NPIPB11: variants seen among roughly 807,000 people sequenced by gnomAD.
NPIPB11 encodes the protein nuclear pore complex interacting protein family member B11.
In NPIPB11, 17 loss-of-function variants were observed where a neutral mutation model predicts 32.8. The observed-to-expected ratio is 0.52, with a 90% CI of 0.35 to 0.78. NPIPB11 has a LOEUF of 0.78. NPIPB11 is among the 30% of genes least tolerant of loss of function. NPIPB11 has a pLI of 0.01. For missense variants in NPIPB11, 537 were observed against 1,000.4 expected, an observed-to-expected ratio of 0.54 and a Z score of 6.25; for synonymous variants, 209 against 398.4, an observed-to-expected ratio of 0.52 and a Z score of 5.66.
At chr16:29,402,457 C>G (rs1269695936) in intron 2 of NPIPB11, among the ~76,000 whole-genome samples, 2 of 108,844 alleles carry the variant, frequency 1.8e-5, no homozygotes. Flanking sequence ...ATAGTCCCAG[C>G]ACTTTGGGAG....
In NPIPB11 at chr16:29,399,174, C is replaced by A. The variant is rs913974831; in HGVS notation, c.120+4509G>T. On this transcript the variant is annotated intron_variant, in intron 2 of 7. Transcript: ENST00000524087. ...CAGGACAGACCCCCACTGTCCATCA[C>A]CTTTCCTGGCCCTGTCCTCAGTTAA... 4.6e-5 allele frequency among the ~76,000 whole-genome samples: 7 copies of A among 152,112 alleles called. 1 individual carries two copies. Among genetic ancestry groups the A allele is most frequent in the East Asian group, 3.9e-4 (2 of 5,190 alleles).
chr16:29,383,821 T>G lies in NPIPB11; in HGVS notation c.1111A>C (p.Lys371Gln), dbSNP rs751279314. ...CCCCGCAGACGCTCGGCAGTTGTCT[T>G]GATATTATCATCTGCTGAGGGTGGA... Residue 371 changes from lysine to glutamine, a missense_variant, in exon 8 of 8, where the codon AAG (lysine) becomes CAG (glutamine). By Grantham distance (53) the Lys-to-Gln change is moderately conservative. Transcript: ENST00000524087. 7.3e-5 allele frequency: 93 copies of G among 1,269,588 alleles called. 21 individuals are homozygous for G. Among genetic ancestry groups the G allele is most frequent in the Non-Finnish European group, 9.8e-5 (93 of 944,554 alleles). The allele number at this position is 1,269,588 out of a possible 1,614,324, so 78.6% of individuals were successfully genotyped here. A position where few individuals can be genotyped will look rare whatever the true frequency, so the allele number is the denominator to read the frequency against.
At chr16:29,400,025 C>T (rs1963952008) in intron 2 of NPIPB11, among the ~76,000 whole-genome samples, 2 of 151,652 alleles carry the variant, frequency 1.3e-5, no homozygotes, top group South Asian at 2.1e-4. Context: ...TGCAGTGAGC[C>T]GAGATCGTGC....
intron 2 of NPIPB11, among the ~76,000 whole-genome samples, chr16:29,395,132 A>C (rs1664685340): frequency 8.4e-6 from 1 of 119,152 alleles, no homozygotes; most frequent in East Asian, 2.4e-4. Flanking sequence ...CCCGTCACTC[A>C]TGGCTAAGAC....
At chr16:29,402,738 GT>G (rs1964025887) in intron 2 of NPIPB11, among the ~76,000 whole-genome samples, 1 of 142,478 alleles carries the variant, frequency 7.0e-6, no homozygotes, top group African/African-American at 3.0e-5. Context: ...GTGTGTGTGT[GT>G]GTGTGTGTGT....
intron 2 of NPIPB11, among the ~76,000 whole-genome samples, chr16:29,399,247 A>T (rs1334232456): frequency 4.6e-5 from 7 of 151,944 alleles, no homozygotes; most frequent in South Asian, 2.1e-4. Context: ...GCCCAAACTC[A>T]CTCAGGCCTC....
In NPIPB11 at chr16:29,394,050, A is replaced by T. The variant is rs577436793; in HGVS notation, c.147T>A (p.His49Gln). The T allele has an allele frequency of 1.9e-5, 30 of 1,599,310 alleles. No homozygotes were observed. The East Asian group carries it at 6.7e-4, about 36-fold the overall frequency. Residue 49 changes from histidine to glutamine, a missense_variant, in exon 3 of 8, where the codon CAT becomes CAA. Coordinates refer to ENST00000524087, the Ensembl canonical transcript of NPIPB11. ...TTCCACCAAAGTCAGTCCCACGATG[A>T]TGATGGTCAGCCAGAGTATTGATAA...
intron 2 of NPIPB11, among the ~76,000 whole-genome samples, chr16:29,402,109 T>C (rs1964005954): frequency 6.7e-6 from 1 of 150,258 alleles, no homozygotes; most frequent in Admixed American, 6.6e-5. Flanking sequence ...GGGCCTCAGT[T>C]TCAACTCTGT....
intron 5 of NPIPB11, 128 bp downstream of exon 5, chr16:29,389,813 C>G: frequency 2.0e-6 from 3 of 1,493,040 alleles, no homozygotes; most frequent in South Asian, 1.2e-5. Context: ...GCAGAAAGGA[C>G]AAACTCAATT....
At chr16:29,391,047 T>A (rs1963710363) in intron 3 of NPIPB11, among the ~76,000 whole-genome samples, 1 of 148,570 alleles carries the variant, frequency 6.7e-6, no homozygotes, top group Non-Finnish European at 1.5e-5. Context: ...CGCGGGTGAA[T>A]CACAAGGTCA....
chr16:29,393,555 G>C (rs1963773155), intron 3 of NPIPB11, among the ~76,000 whole-genome samples: 3 of 151,354 alleles, frequency 2.0e-5, no homozygotes, highest in Non-Finnish European at 2.9e-5. Context: ...GCTGTCTGTT[G>C]TCAGCTCATT....
At chr16:29,395,706 G>A (rs1451667495) in intron 2 of NPIPB11, among the ~76,000 whole-genome samples, 4 of 151,200 alleles carry the variant, frequency 2.6e-5, no homozygotes, top group South Asian at 2.1e-4. Context: ...TGGGCCGGGC[G>A]TGGTGGCTCA....
upstream of NPIPB11, among the ~76,000 whole-genome samples, chr16:29,405,329 A>G (rs1202200592): frequency 2.0e-5 from 3 of 151,828 alleles, no homozygotes; most frequent in Non-Finnish European, 4.4e-5. Context: ...ATACTTGTTG[A>G]ACAAATATTA....
At chr16:29,400,144 G>A (rs922165027) in intron 2 of NPIPB11, among the ~76,000 whole-genome samples, 2 of 151,136 alleles carry the variant, frequency 1.3e-5, no homozygotes, top group Admixed American at 6.6e-5. Flanking sequence ...CAAGTAAGTG[G>A]GGGTTGAAGT....
At chr16:29,382,232 A>T in exon 8 of NPIPB11, 2 of 1,588,480 alleles carry the variant, frequency 1.3e-6, no homozygotes, top group Non-Finnish European at 1.7e-6. Context: ...GACGTTTGGA[A>T]GGTGTCTTGA....
intron 3 of NPIPB11, 57 bp from the exon 4 acceptor site, chr16:29,390,405 C>G: frequency 6.3e-7 from 1 of 1,594,340 alleles, no homozygotes; most frequent in South Asian, 1.1e-5. Flanking sequence ...GCGTATAATC[C>G]CAGTACTTCG....
At chr16:29,390,481 C>A (rs1381833246) in intron 3 of NPIPB11, 133 bp from the exon 4 acceptor site, 63 of 1,401,272 alleles carry the variant, frequency 4.5e-5, no homozygotes, top group Non-Finnish European at 5.9e-5. Context: ...GGTGAAACCC[C>A]ATCTCTACTA....
At chr16:29,396,939 A>G (rs1963868972) in intron 2 of NPIPB11, among the ~76,000 whole-genome samples, 1 of 151,886 alleles carries the variant, frequency 6.6e-6, no homozygotes, top group African/African-American at 2.4e-5. Flanking sequence ...CACGAGGTCA[A>G]GAGATGGAGA....
chr16:29,390,016 A>G, exon 5 of NPIPB11: 1 of 1,593,682 alleles, frequency 6.3e-7, no homozygotes, highest in Non-Finnish European at 8.5e-7. Flanking sequence ...CCTCTTACGG[A>G]TTTTAGCTCT....
Sources: gnomAD v4.1 joint callset for allele counts (sites outside exome capture counted in the v4.1 genomes callset) on GRCh38, gnomAD v4.1.1 for gene constraint, MANE v1.5 for transcripts, NCBI Gene and HGNC (gene_info 2026-07-23, HGNC 2026-07-21) for gene names.